Variants in UBE2U observed in about 807,000 individuals in gnomAD.
The protein encoded by UBE2U is ubiquitin-conjugating enzyme E2 U.
UBE2U carries 39 observed loss-of-function variants against 41.2 expected under a neutral mutation model. The observed-to-expected ratio is 0.95, with a 90% CI of 0.73 to 1.24. The LOEUF is 1.24. Among genes scored for constraint, UBE2U ranks in the 50% most tolerant of loss-of-function variants. The probability of loss-of-function intolerance (pLI) is 0.00; values close to 1 mark genes in which losing one functional copy is unlikely to be tolerated. For synonymous variants in UBE2U, 107 were observed against 117.8 expected (o/e 0.91, Z 0.60); for missense variants, 336 against 363.1 (o/e 0.93, Z 0.61).
At chr1:64,209,403 A>C (rs1557701827) in intron 3 of UBE2U, among the ~76,000 whole-genome samples, 1 of 152,066 alleles carries the variant, frequency 6.6e-6, no homozygotes, top group Non-Finnish European at 1.5e-5. Flanking sequence ...TGTGGCCCAG[A>C]ACTTGCTCAA....
intron 5 of UBE2U, among the ~76,000 whole-genome samples, chr1:64,217,004 C>A (rs1022177695): frequency 1.3e-5 from 2 of 152,182 alleles, no homozygotes; most frequent in Admixed American, 6.5e-5. Flanking sequence ...GATTATCTAG[C>A]CAGTTGGGTG....
At chr1:64,237,022 T>C (rs1644679316) in intron 7 of UBE2U, among the ~76,000 whole-genome samples, 1 of 152,132 alleles carries the variant, frequency 6.6e-6, no homozygotes. Flanking sequence ...GGGAAAAGCA[T>C]GATGTCAGAA....
chr1:64,251,383 A>C (rs1193454156), intron 8 of UBE2U, among the ~76,000 whole-genome samples: 18 of 152,138 alleles, frequency 1.2e-4, no homozygotes, highest in Admixed American at 1.2e-3. Flanking sequence ...ATTTCGAATA[A>C]TGTAAATTAG....
chr1:64,255,175 A>G (rs1276753780), intron 8 of UBE2U, among the ~76,000 whole-genome samples: 1 of 152,140 alleles, frequency 6.6e-6, no homozygotes, highest in Non-Finnish European at 1.5e-5. Context: ...TCTAGAAGAA[A>G]TGGATAAATT....
At chr1:64,239,169 G>GAAGA (rs1553169042) in intron 7 of UBE2U, among the ~76,000 whole-genome samples, 4 of 91,052 alleles carry the variant, frequency 4.4e-5, no homozygotes, top group Non-Finnish European at 6.3e-5. Context: ...AGAAGAAGAA[G>GAAGA]AAGAAGAAGA....
rs771191359 is a variant in UBE2U, at chr1:64,264,734, C to T, written c.770-2290C>T. Among the ~76,000 whole-genome samples, 60 of 152,222 alleles carry T rather than the reference C, an allele frequency of 3.9e-4. 1 individual carries two copies. The highest frequency in any genetic ancestry group is 1.5e-4 in the Non-Finnish European group (10 of 68,012). The stretch of plus-strand genomic sequence containing the variant: ...TTGGGAGGCCAAGGTGGGTGGATCA[C>T]CTGAGGTCAGGAGTTTGAGACCAGC... On this transcript the variant is annotated intron_variant, in intron 9 of 9. Transcript: ENST00000371077.
At chr1:64,259,570 T>G (rs1645149548) in intron 8 of UBE2U, among the ~76,000 whole-genome samples, 1 of 152,188 alleles carries the variant, frequency 6.6e-6, no homozygotes, top group Non-Finnish European at 1.5e-5. Flanking sequence ...CACCATTTAT[T>G]AAATAGGGAA....
intron 9 of UBE2U, among the ~76,000 whole-genome samples, chr1:64,261,345 G>C (rs1645177746): frequency 1.3e-5 from 2 of 152,110 alleles, no homozygotes; most frequent in Admixed American, 6.5e-5. Context: ...AATCCTAGTT[G>C]CTAAAAATCT....
At chr1:64,247,099 T>C (rs1644933052) in intron 8 of UBE2U, among the ~76,000 whole-genome samples, 1 of 53,692 alleles carries the variant, frequency 1.9e-5, no homozygotes, top group Admixed American at 1.7e-4. Context: ...GATAGTTATG[T>C]CTTTCTCCTA....
At chr1:64,248,160 C>T (rs895294832) in intron 8 of UBE2U, among the ~76,000 whole-genome samples, 1 of 152,080 alleles carries the variant, frequency 6.6e-6, no homozygotes, top group African/African-American at 2.4e-5. Context: ...TGGTGTTCTG[C>T]TCCCACATTT....
chr1:64,266,010 A>T (rs1645249776), intron 9 of UBE2U, among the ~76,000 whole-genome samples: 1 of 152,222 alleles, frequency 6.6e-6, no homozygotes, highest in Non-Finnish European at 1.5e-5. Context: ...TATGAGGCAA[A>T]CAAAATTTGT....
At chr1:64,239,106 A>G (rs1257487779) in intron 7 of UBE2U, among the ~76,000 whole-genome samples, 13 of 10,118 alleles carry the variant, frequency 1.3e-3, no homozygotes, top group African/African-American at 7.0e-3. Flanking sequence ...GAAGAAGAAG[A>G]AGAAGAAGAA....
At position 64,260,213 on chromosome 1, in the gene UBE2U, C is replaced by T. The variant is rs559211965; in HGVS notation, c.678-390C>T. ...GCCCTGCTGCCACCTTGATCCCCAA[C>T]ATCTAGCTTCCAGAACTATGAGAGA... On this transcript the variant is annotated intron_variant, in intron 8 of 9. Coordinates refer to ENST00000371077, the MANE Select transcript of UBE2U (RefSeq NM_001366232.2). Among the ~76,000 whole-genome samples the T allele has an allele frequency of 4.6e-5, 7 of 152,248 alleles. No homozygotes were observed. In the East Asian group the frequency reaches 7.7e-4, roughly 17 times the overall value.
chr1:64,237,874 C>T (rs1207063665), intron 7 of UBE2U, among the ~76,000 whole-genome samples: 2 of 151,978 alleles, frequency 1.3e-5, no homozygotes, highest in South Asian at 2.1e-4. Flanking sequence ...CATACATATT[C>T]AAATATAAAA....
At chr1:64,253,430 C>T (rs1418159342) in intron 8 of UBE2U, among the ~76,000 whole-genome samples, 2 of 152,060 alleles carry the variant, frequency 1.3e-5, no homozygotes, top group Non-Finnish European at 2.9e-5. Context: ...GTAAGATACT[C>T]CACAGGAAGA....
chr1:64,208,120 A>G (rs931548266), intron 3 of UBE2U, among the ~76,000 whole-genome samples: 9 of 152,212 alleles, frequency 5.9e-5, no homozygotes, highest in Non-Finnish European at 5.9e-5. Context: ...AAAATGTCAA[A>G]ATATAACATA....
At chr1:64,258,275 A>T (rs1057141362) in intron 8 of UBE2U, among the ~76,000 whole-genome samples, 1 of 152,136 alleles carries the variant, frequency 6.6e-6, no homozygotes, top group African/African-American at 2.4e-5. Context: ...AAATGAATGA[A>T]CTTTCTGGTA....
intron 5 of UBE2U, among the ~76,000 whole-genome samples, chr1:64,215,915 A>G (rs952412974): frequency 4.6e-5 from 7 of 152,322 alleles, no homozygotes; most frequent in East Asian, 1.9e-4. Context: ...TCCTACTGAC[A>G]TAGTTATTTC....
At chr1:64,235,472 C>T (rs923761227) in intron 7 of UBE2U, among the ~76,000 whole-genome samples, 2 of 152,044 alleles carry the variant, frequency 1.3e-5, no homozygotes, top group African/African-American at 4.8e-5. Context: ...GGATGAGATC[C>T]AACACTATCT....
Sources: allele counts gnomAD v4.1 joint callset (sites outside exome capture counted in the v4.1 genomes callset), GRCh38; gene constraint gnomAD v4.1.1; transcripts MANE v1.5; gene names NCBI Gene and HGNC (gene_info 2026-07-23, HGNC 2026-07-21).